Variants in AOX1 observed in about 807,000 individuals in gnomAD.
The protein encoded by AOX1 is aldehyde oxidase.
A neutral mutation model predicts 169.5 loss-of-function variants in AOX1; 153 were observed. The observed-to-expected ratio is 0.90, with a 90% CI of 0.79 to 1.03. AOX1 has a LOEUF of 1.03. Ranked by LOEUF, AOX1 falls within the 50% of genes least tolerant of loss-of-function variation. The probability of loss-of-function intolerance (pLI) is 0.00; values close to 1 mark genes in which losing one functional copy is unlikely to be tolerated. For synonymous variants in AOX1, 562 were observed against 581.9 expected, an observed-to-expected ratio of 0.97 and a Z score of 0.49; for missense variants, 1,656 against 1,663.9, an observed-to-expected ratio of 1.00 and a Z score of 0.08.
intron 1 of AOX1, among the ~76,000 whole-genome samples, chr2:200,590,899 GT>G (rs2034158461): frequency 1.3e-5 from 2 of 152,022 alleles, no homozygotes; most frequent in Admixed American, 1.3e-4. Context: ...CCATTAACAT[GT>G]TGCCTCATGG....
chr2:200,623,850 C>A lies in AOX1; in HGVS notation c.2002-11C>A. 3 of 1,613,522 alleles carry A rather than the reference C, an allele frequency of 1.9e-6. No individual in the cohort carries two copies. Among genetic ancestry groups the A allele is most frequent in the Non-Finnish European group, 2.5e-6 (3 of 1,179,900 alleles). On this transcript the variant is annotated splice_polypyrimidine_tract_variant and intron_variant, in intron 18 of 34. Coordinates refer to ENST00000374700, the MANE Select transcript of AOX1 (RefSeq NM_001159.4). ...GCCCTCCTTGACAACAAAGGTCTTT[C>A]TGTGTCGTAGGTGTTCTGTGTGGGT...
Position 200,668,812 on chromosome 2 carries a change from T to A in AOX1, c.3798+9T>A. 6.2e-7 allele frequency: 1 copy of A among 1,611,868 alleles called. No homozygotes were observed. The highest frequency in any genetic ancestry group is 2.2e-5 in the East Asian group (1 of 44,852). On this transcript the variant is annotated intron_variant, in intron 33 of 34. Coordinates refer to ENST00000374700, the MANE Select transcript of AOX1 (RefSeq NM_001159.4). ...CTCTTTATTCATCTAAGGTAAGTAA[T>A]GTTCTATGGGTAAATATGCATGTTT...
chr2:200,617,152 G>C (rs2034775592), intron 16 of AOX1, among the ~76,000 whole-genome samples: 1 of 152,180 alleles, frequency 6.6e-6, no homozygotes, highest in Non-Finnish European at 1.5e-5. Context: ...CATAGTGCAT[G>C]ATCTTGAATG....
At position 200,604,415 on chromosome 2, in the gene AOX1, C is replaced by T. The variant is rs35569511; in HGVS notation, c.670-281C>T. Among the ~76,000 whole-genome samples the T allele has an allele frequency of 7.9e-5, 12 of 152,292 alleles. No homozygotes were observed. In the East Asian group the frequency reaches 2.3e-3, roughly 29 times the overall value. ...TTTATTCCTCCATAGAATGATTTAA[C>T]AAGATTCAGCATGTTACTATATTTG... On this transcript the variant is annotated intron_variant, in intron 8 of 34. Coordinates refer to ENST00000374700, the MANE Select transcript of AOX1 (RefSeq NM_001159.4).
intron 14 of AOX1, among the ~76,000 whole-genome samples, chr2:200,613,499 A>C (rs915642642): frequency 6.6e-6 from 1 of 152,192 alleles, no homozygotes; most frequent in African/African-American, 2.4e-5. Context: ...CCTAGTGAGG[A>C]CATTTATTAG....
chr2:200,630,207 AT>A (rs2035087692), intron 20 of AOX1, among the ~76,000 whole-genome samples: 1 of 100,004 alleles, frequency 1.0e-5, no homozygotes, highest in South Asian at 3.4e-4. Context: ...GACTCCTTCT[AT>A]TTAAAAAAAA....
At chr2:200,648,393 C>T (rs1000865658) in intron 25 of AOX1, among the ~76,000 whole-genome samples, 19 of 152,198 alleles carry the variant, frequency 1.2e-4, no homozygotes, top group Non-Finnish European at 2.4e-4. Flanking sequence ...GTCTACCCAG[C>T]TCCCGGCTGG....
chr2:200,618,266 G>A lies in AOX1; in HGVS notation c.1704+2203G>A, dbSNP rs548471082. ...AAAACAAAAACTTAGTCAATACTCC[G>A]TTTTTTGTTCACTGTATTATACTAA... On this transcript the variant is annotated intron_variant, in intron 16 of 34. Transcript: ENST00000374700. Among the ~76,000 whole-genome samples, 57 of 152,132 alleles carry A rather than the reference G, an allele frequency of 3.7e-4. 1 individual carries two copies. In the South Asian group the frequency reaches 0.01, roughly 28 times the overall value.
intron 1 of AOX1, among the ~76,000 whole-genome samples, chr2:200,587,212 TAGG>T (rs540815808): frequency 4.7e-4 from 71 of 152,038 alleles, no homozygotes; most frequent in African/African-American, 1.6e-3. Flanking sequence ...TGCTTGAGTC[TAGG>T]AGTTCAAGGT....
intron 19 of AOX1, among the ~76,000 whole-genome samples, chr2:200,625,571 T>C (rs1176528471): frequency 6.6e-6 from 1 of 152,326 alleles, no homozygotes; most frequent in East Asian, 1.9e-4. Context: ...GATCATCAAC[T>C]GGATCAGAGC....
At chr2:200,680,254 A>C (rs1488541947), downstream of AOX1, among the ~76,000 whole-genome samples, 1 of 152,206 alleles carries the variant, frequency 6.6e-6, no homozygotes, top group Non-Finnish European at 1.5e-5. Flanking sequence ...AAGACTATAG[A>C]TGTTGATACA....
At chr2:200,587,798 G>A (rs1009170484) in intron 1 of AOX1, among the ~76,000 whole-genome samples, 3 of 152,150 alleles carry the variant, frequency 2.0e-5, no homozygotes, top group African/African-American at 7.2e-5. Flanking sequence ...AGACAAACAA[G>A]TCTTCAATTC....
At position 200,666,701 on chromosome 2, in the gene AOX1, C is replaced by T. The variant is rs771974562; in HGVS notation, c.3558C>T (p.Asp1186=). The change falls in exon 32 of 35, where the codon GAC becomes GAT. Residue 1186 remains aspartate, a synonymous_variant. Coordinates refer to ENST00000374700, the MANE Select transcript of AOX1 (RefSeq NM_001159.4). The part of the protein sequence containing the change: ...LTGDHKNIRT[D]IVMDVGCSIN... ...TTTAATACTAGAACATCAGAACAGACATTGTCATGGATGTTGGCTGCAGTA... is the reference window on the plus strand; with the variant it reads ...TTTAATACTAGAACATCAGAACAGATATTGTCATGGATGTTGGCTGCAGTA... 2.5e-6 allele frequency: 4 copies of T among 1,609,040 alleles called. No individual in the cohort carries two copies. The highest frequency in any genetic ancestry group is 3.4e-6 in the Non-Finnish European group (4 of 1,178,406).
At chr2:200,610,914 C>T (rs886520097) in intron 12 of AOX1, among the ~76,000 whole-genome samples, 1 of 152,104 alleles carries the variant, frequency 6.6e-6, no homozygotes. Flanking sequence ...AGTGCAGTGG[C>T]ATGATCTCAG....
chr2:200,620,701 C>A lies in AOX1; in HGVS notation c.1756C>A (p.His586Asn). Residue 586 changes from histidine to asparagine, a missense_variant, in exon 17 of 35, where the codon CAT becomes AAT. His to Asn is a moderately conservative substitution (Grantham distance 68, BLOSUM62 1). Coordinates refer to ENST00000374700, the MANE Select transcript of AOX1 (RefSeq NM_001159.4). ...PEDPIGHPIM[H>N]LSGVKHATGE... ...AGACCCAATTGGCCACCCCATCATG[C>A]ATCTGTCTGGTGTGAAGCATGCCAC... 1.9e-6 allele frequency: 3 copies of A among 1,587,746 alleles called. No homozygotes were observed. The highest frequency in any genetic ancestry group is 2.4e-5 in the South Asian group (2 of 83,498).
At chr2:200,597,935 A>G (rs562221301) in intron 4 of AOX1, among the ~76,000 whole-genome samples, 3 of 152,088 alleles carry the variant, frequency 2.0e-5, no homozygotes, top group Non-Finnish European at 2.9e-5. Flanking sequence ...ATGGTGAAAC[A>G]TGTCTCTACA....
At chr2:200,597,352 A>G in intron 3 of AOX1, 45 bp from the exon 4 acceptor site, 1 of 1,438,306 alleles carries the variant, frequency 7.0e-7, no homozygotes, top group Non-Finnish European at 9.6e-7. Flanking sequence ...TTCCCACTGT[A>G]TGCGACATAA....
At chr2:200,672,224 G>A (rs1210687364), downstream of AOX1, among the ~76,000 whole-genome samples, 3 of 152,298 alleles carry the variant, frequency 2.0e-5, no homozygotes, top group South Asian at 2.1e-4. Flanking sequence ...ATTTTACAAC[G>A]TGTGAATATA....
chr2:200,615,119 C>T (rs1335004646), intron 15 of AOX1, among the ~76,000 whole-genome samples: 1 of 152,108 alleles, frequency 6.6e-6, no homozygotes, highest in Non-Finnish European at 1.5e-5. Flanking sequence ...AATTCTCCCA[C>T]CTCAGCCTCC....
Sources: gnomAD v4.1 joint callset for allele counts (sites outside exome capture counted in the v4.1 genomes callset) on GRCh38, gnomAD v4.1.1 for gene constraint, MANE v1.5 for transcripts, NCBI Gene and HGNC (gene_info 2026-07-23, HGNC 2026-07-21) for gene names.